Variants in SPDYE10 observed in about 807,000 individuals in gnomAD.
SPDYE10 encodes the protein speedy protein E10.
At chr7:73,115,191 T>G in the SPDYE10 span, among the ~76,000 whole-genome samples, 1 of 152,116 alleles carries the variant, frequency 6.6e-6, no homozygotes, top group African/African-American at 2.4e-5. Flanking sequence ...CCACCACACC[T>G]GGACTGTTCT....
the SPDYE10 span, among the ~76,000 whole-genome samples, chr7:73,127,096 T>A: frequency 1.6e-5 from 1 of 61,360 alleles, no homozygotes; most frequent in Non-Finnish European, 3.0e-5. Context: ...TTTTTTTTTT[T>A]TTTTTTTTTT....
chr7:73,142,801 T>G, the SPDYE10 span, among the ~76,000 whole-genome samples: 31 of 151,288 alleles, frequency 2.0e-4, no homozygotes, highest in African/African-American at 7.1e-4. Context: ...GGTGTGGTGG[T>G]GGGCGCCTGT....
At chr7:73,125,388 C>T in the SPDYE10 span, among the ~76,000 whole-genome samples, 2 of 134,570 alleles carry the variant, frequency 1.5e-5, no homozygotes, top group Non-Finnish European at 3.1e-5. Context: ...CAATCTGCAC[C>T]CATCCAAGCC....
chr7:73,135,515 C>G, the SPDYE10 span, among the ~76,000 whole-genome samples: 1 of 137,876 alleles, frequency 7.3e-6, no homozygotes, highest in Non-Finnish European at 1.6e-5. Context: ...AAGGCATTCT[C>G]TTTTCTTTCT....
chr7:73,135,011 C>G, the SPDYE10 span, among the ~76,000 whole-genome samples: 92 of 152,404 alleles, frequency 6.0e-4, 1 homozygote, highest in Non-Finnish European at 9.6e-4. Flanking sequence ...GGCCTCTTGT[C>G]CTGCTGCAGC....
At chr7:73,139,658 GTT>G in the SPDYE10 span, among the ~76,000 whole-genome samples, 35 of 147,250 alleles carry the variant, frequency 2.4e-4, no homozygotes, top group African/African-American at 8.8e-4. Flanking sequence ...TGTTTTTTGT[GTT>G]TTTTTTTTTC....
chr7:73,134,537 A>AAGAAAGAAAGAAAGAAAGAAAGAG, the SPDYE10 span, among the ~76,000 whole-genome samples: 2 of 139,530 alleles, frequency 1.4e-5, no homozygotes, highest in African/African-American at 5.7e-5. Context: ...GAAAGAAAGA[A>AAGAAAGAAAGAAAGAAAGAAAGAG]AAAGAAAGAA....
chr7:73,139,273 TAGA>T, the SPDYE10 span, among the ~76,000 whole-genome samples: 1 of 38,744 alleles, frequency 2.6e-5, no homozygotes, highest in Non-Finnish European at 5.5e-5. Flanking sequence ...ACCACGCAGC[TAGA>T]AGAAGGCAGT....
the SPDYE10 span, among the ~76,000 whole-genome samples, chr7:73,143,837 T>TAGAC: frequency 6.7e-6 from 1 of 149,232 alleles, no homozygotes; most frequent in South Asian, 2.1e-4. Flanking sequence ...GCTGAGACTG[T>TAGAC]AGACATGCAC....
chr7:73,134,584 A>G, the SPDYE10 span, among the ~76,000 whole-genome samples: 1 of 152,216 alleles, frequency 6.6e-6, no homozygotes, highest in African/African-American at 2.4e-5. Context: ...CAGGCAGGAC[A>G]GGCATAATGG....
the SPDYE10 span, chr7:73,154,793 C>T: frequency 2.0e-5 from 4 of 200,872 alleles, no homozygotes; most frequent in South Asian, 7.2e-5. Context: ...GGCCGCCCAG[C>T]CCCCGCGGCA....
chr7:73,134,565 G>GAAAGAAAGAAAGAAAC, the SPDYE10 span, among the ~76,000 whole-genome samples: 1 of 152,126 alleles, frequency 6.6e-6, no homozygotes, highest in Non-Finnish European at 1.5e-5. Context: ...AAGAAAGAAA[G>GAAAGAAAGAAAGAAAC]AAACCGTGCA....
the SPDYE10 span, among the ~76,000 whole-genome samples, chr7:73,147,789 C>T: frequency 6.7e-6 from 1 of 148,432 alleles, no homozygotes; most frequent in Non-Finnish European, 1.5e-5. Flanking sequence ...GCCACCATAC[C>T]TGGCCTGTTT....
At chr7:73,116,461 TAGAGAC>T in the SPDYE10 span, among the ~76,000 whole-genome samples, 4 of 60,780 alleles carry the variant, frequency 6.6e-5, no homozygotes, top group Admixed American at 2.0e-4. Flanking sequence ...ATTTATTTCT[TAGAGAC>T]AGAGTCTCCT....
the SPDYE10 span, among the ~76,000 whole-genome samples, chr7:73,113,494 G>A: frequency 1.6e-4 from 22 of 134,086 alleles, no homozygotes; most frequent in East Asian, 8.1e-4. Context: ...AGCTGTGATC[G>A]TGACACCGCA....
At chr7:73,127,870 G>A in the SPDYE10 span, among the ~76,000 whole-genome samples, 2 of 133,618 alleles carry the variant, frequency 1.5e-5, no homozygotes, top group Non-Finnish European at 3.2e-5. Context: ...ACACATGCTG[G>A]TAGAGTGTCA....
the SPDYE10 span, among the ~76,000 whole-genome samples, chr7:73,137,591 GATGAAAGA>G: frequency 5.3e-5 from 3 of 56,716 alleles, no homozygotes; most frequent in South Asian, 4.9e-4. Flanking sequence ...AGAAAGAAGA[GATGAAAGA>G]AAGAAAGAAA....
the SPDYE10 span, among the ~76,000 whole-genome samples, chr7:73,134,537 A>AAGAAAGAAAGAAAAAG: frequency 1.4e-5 from 2 of 139,530 alleles, no homozygotes; most frequent in African/African-American, 5.7e-5. Context: ...GAAAGAAAGA[A>AAGAAAGAAAGAAAAAG]AAAGAAAGAA....
At chr7:73,123,788 C>CCCTCTCTCTCTCTCT in the SPDYE10 span, among the ~76,000 whole-genome samples, 14 of 97,448 alleles carry the variant, frequency 1.4e-4, no homozygotes, top group East Asian at 1.3e-3. Context: ...TCTCTCTCTC[C>CCCTCTCTCTCTCTCT]CTCTCTCTCT....
Sources: gnomAD v4.1 joint callset for allele counts (sites outside exome capture counted in the v4.1 genomes callset) on GRCh38, gnomAD v4.1.1 for gene constraint, MANE v1.5 for transcripts, NCBI Gene and HGNC (gene_info 2026-07-23, HGNC 2026-07-21) for gene names.